The following DENND2B variants were observed in gnomAD, a reference collection of about 807,000 sequenced individuals.
DENND2B encodes DENN domain containing 2B, also known as DENN domain-containing protein 2B.
In DENND2B, 32 loss-of-function variants were observed where a neutral mutation model predicts 116.0. The observed-to-expected ratio is 0.28, with a 90% confidence interval of 0.21 to 0.37. The LOEUF is 0.37. Ranked by LOEUF, DENND2B falls within the 10% of genes least tolerant of loss-of-function variation. The pLI is 1.00. For synonymous variants in DENND2B, 588 were observed against 583.9 expected (o/e 1.01, Z -0.10); for missense variants, 1,276 against 1,477.7 (o/e 0.86, Z 2.24).
chr11:8,786,604 CTT>C (rs962010731), intron 1 of DENND2B, among the ~76,000 whole-genome samples: 1 of 152,094 alleles, frequency 6.6e-6, no homozygotes, highest in Non-Finnish European at 1.5e-5. Flanking sequence ...GAAACCAGGA[CTT>C]TGACATCAGG....
intron 1 of DENND2B, among the ~76,000 whole-genome samples, chr11:8,783,045 C>A (rs1025512504): frequency 1.7e-5 from 2 of 117,066 alleles, no homozygotes; most frequent in Admixed American, 1.7e-4. Context: ...CCACCACTTA[C>A]CTTTTTTTTT....
chr11:8,838,495 T>A (rs1396834462), intron 4 of DENND2B, among the ~76,000 whole-genome samples: 2 of 152,212 alleles, frequency 1.3e-5, no homozygotes, highest in East Asian at 3.8e-4. Context: ...TTACTGCATG[T>A]CTTTTTAAGC....
rs564177187 is a variant in DENND2B at position 8,891,708 on chromosome 11, G to A, written c.-255-10599C>T. ...AGAGCTAACTATCCTAAATATATAT[G>A]CACCCAATACAGAAGCACCCAGATT... On this transcript the variant is annotated intron_variant, in intron 1 of 22. Transcript: ENST00000534127. Among the ~76,000 whole-genome samples the A allele has an allele frequency of 2.0e-5, 3 of 152,280 alleles. No homozygotes were observed. In the East Asian group the frequency reaches 5.8e-4, roughly 29 times the overall value.
rs543305591 is a variant in DENND2B, at chr11:8,890,185, A to T, written c.-255-9076T>A. On this transcript the variant is annotated intron_variant, in intron 1 of 22. Transcript: ENST00000534127. ...AACAGACCTGCAGCTGAGGGTCCTGACTGTTAGAAGGAAAACTAACAAACA... is the reference window on the plus strand; with the variant it reads ...AACAGACCTGCAGCTGAGGGTCCTGTCTGTTAGAAGGAAAACTAACAAACA... Among the ~76,000 whole-genome samples, 53 of 152,328 alleles carry T rather than the reference A, an allele frequency of 3.5e-4. No homozygotes were observed. In the South Asian group the frequency reaches 9.5e-3, roughly 27 times the overall value.
At chr11:8,737,514 A>G (rs1260816497) in intron 2 of DENND2B, among the ~76,000 whole-genome samples, 1 of 152,204 alleles carries the variant, frequency 6.6e-6, no homozygotes, top group Non-Finnish European at 1.5e-5. Context: ...TAGGAAGGGA[A>G]GCACGACTGG....
intron 1 of DENND2B, among the ~76,000 whole-genome samples, chr11:8,900,628 G>A (rs1332919275): frequency 1.3e-5 from 2 of 151,122 alleles, no homozygotes; most frequent in Admixed American, 6.6e-5. Context: ...AGTAGATCGT[G>A]ACAAATAAAG....
chr11:8,739,357 AAG>A (rs1271920894), intron 2 of DENND2B, among the ~76,000 whole-genome samples: 12 of 152,200 alleles, frequency 7.9e-5, no homozygotes, highest in Non-Finnish European at 1.2e-4. Context: ...GCTCATGGGC[AAG>A]CCCTCTAAGT....
At chr11:8,826,275 C>A (rs1349619379) in intron 4 of DENND2B, among the ~76,000 whole-genome samples, 2 of 152,110 alleles carry the variant, frequency 1.3e-5, no homozygotes, top group African/African-American at 4.8e-5. Flanking sequence ...GGATATAGAG[C>A]AGCTCAGGAA....
At chr11:8,873,047 T>C (rs1594324672), upstream of DENND2B, among the ~76,000 whole-genome samples, 1 of 152,332 alleles carries the variant, frequency 6.6e-6, no homozygotes, top group South Asian at 2.1e-4. Context: ...AGAGAACTCA[T>C]GAATGTAAAG....
chr11:8,844,607 G>A (rs1170151576), intron 3 of DENND2B, among the ~76,000 whole-genome samples: 1 of 151,634 alleles, frequency 6.6e-6, no homozygotes, highest in African/African-American at 2.4e-5. Flanking sequence ...TAATATTTAT[G>A]CTTCAAAATC....
chr11:8,707,183 A>G lies in DENND2B; in HGVS notation c.2473T>C (p.Leu825=), dbSNP rs201804483. 4.0e-5 allele frequency: 65 copies of G among 1,613,550 alleles called. No homozygotes were observed. The South Asian group carries it at 6.6e-4, about 16-fold the overall frequency. ...VERRRGISAA[L]VYPFMRSLME... ...AGACTTCTCATGAAAGGATAGACCA[A>G]TGCAGCGGAGATCCCACGCCGGCGC... The change falls in exon 13 of 20, where the codon TTG becomes CTG. Residue 825 remains leucine, a synonymous_variant. Coordinates refer to ENST00000313726, the MANE Select transcript of DENND2B (RefSeq NM_213618.2). This position sits in a 1 kb window ranked among gnomAD's most constrained non-coding sequence, Gnocchi z 4.8.
chr11:8,708,469 T>C (rs1198177788), intron 11 of DENND2B: 1 of 428,086 alleles, frequency 2.3e-6, no homozygotes, highest in Admixed American at 6.4e-5. Context: ...ATGAGGCAAC[T>C]GAGTTCAAAA....
chr11:8,842,152 C>T (rs946533407), intron 3 of DENND2B, among the ~76,000 whole-genome samples: 2 of 152,172 alleles, frequency 1.3e-5, no homozygotes, highest in African/African-American at 2.4e-5. Context: ...AGTAGGTCCC[C>T]GGTGCTGACT....
chr11:8,830,908 GAC>G (rs2062179731), intron 4 of DENND2B: 1 of 152,302 alleles, frequency 6.6e-6, no homozygotes, highest in Non-Finnish European at 1.5e-5. Flanking sequence ...GGAAGAAAGA[GAC>G]ACATAAGAAA....
chr11:8,821,510 T>C (rs1316324107), intron 4 of DENND2B, among the ~76,000 whole-genome samples: 3 of 151,452 alleles, frequency 2.0e-5, no homozygotes, highest in South Asian at 2.1e-4. Flanking sequence ...GCCTAGGAGA[T>C]AGAGGCTGCA....
At chr11:8,896,825 T>C (rs997313935) in intron 1 of DENND2B, among the ~76,000 whole-genome samples, 1 of 152,378 alleles carries the variant, frequency 6.6e-6, no homozygotes, top group East Asian at 1.9e-4. Context: ...TTCAGATAGG[T>C]GTATTAAATG....
intron 1 of DENND2B, among the ~76,000 whole-genome samples, chr11:8,882,000 A>AT (rs78433963): frequency 0.16 from 24,797 of 150,598 alleles, 2,162 homozygotes; most frequent in East Asian, 0.31. Flanking sequence ...CTTTAATTGG[A>AT]TTTTTTTTTC....
intron 1 of DENND2B, among the ~76,000 whole-genome samples, chr11:8,900,506 G>A (rs956904538): frequency 1.3e-5 from 2 of 151,784 alleles, no homozygotes; most frequent in Non-Finnish European, 2.9e-5. Flanking sequence ...GGTTGAGTTG[G>A]GGGGATCACT....
chr11:8,725,932 G>T, intron 4 of DENND2B, 141 bp downstream of exon 4: 1 of 1,229,762 alleles, frequency 8.1e-7, no homozygotes, highest in Non-Finnish European at 1.1e-6. Context: ...TGCTTCCCCT[G>T]ATGTCCCATT....
Sources: allele counts gnomAD v4.1 joint callset (sites outside exome capture counted in the v4.1 genomes callset), GRCh38; gene constraint gnomAD v4.1.1; non-coding constraint Gnocchi (gnomAD v3.1); transcripts MANE v1.5; gene names NCBI Gene and HGNC (gene_info 2026-07-23, HGNC 2026-07-21).